The following MCPH1 variants were observed in gnomAD, a reference collection of about 807,000 sequenced individuals.
The protein encoded by MCPH1 is microcephalin.
Under a neutral mutation model 84.5 loss-of-function variants are expected in MCPH1, and 104 were observed. The observed-to-expected ratio is 1.23, with a 90% CI of 1.05 to 1.45. The LOEUF (loss-of-function observed/expected upper bound fraction) is 1.45. Among genes scored for constraint, MCPH1 ranks in the 40% most tolerant of loss-of-function variants. The pLI, the probability that MCPH1 is intolerant of heterozygous loss-of-function variation, is 0.00. For missense variants in MCPH1, 1,498 were observed against 1,005.7 expected (o/e 1.49, Z -6.62); for synonymous variants, 514 against 366.8 (o/e 1.40, Z -4.58).
rs139980840 is a variant in MCPH1 at position 6,643,237 on chromosome 8, A to G, written c.*188A>G. ...TTTCTGATGACTGAATGTCTGTTTC[A>G]GAGACGCTTCGGGCCTTTTTATTTT... On this transcript the variant is annotated 3_prime_UTR_variant, in exon 14 of 14. Coordinates refer to ENST00000344683, the MANE Select transcript of MCPH1 (RefSeq NM_024596.5). 5.9e-5 allele frequency: 38 copies of G among 648,648 alleles called. No homozygotes were observed. The highest frequency in any genetic ancestry group is 3.4e-4 in the Middle Eastern group (1 of 2,942). The allele number at this position is 648,648 out of a possible 1,614,324, so 40.2% of individuals were successfully genotyped here.
In MCPH1 at chr8:6,644,521, A is replaced by G. The variant is rs943870045; in HGVS notation, c.*1472A>G. The G allele has an allele frequency of 1.3e-5, 2 of 152,216 alleles. No homozygotes were observed. The highest frequency in any genetic ancestry group is 4.8e-5 in the African/African-American group (2 of 41,452). The allele number at this position is 152,216 out of a possible 1,614,324, so 9.4% of individuals were successfully genotyped here. On this transcript the variant is annotated 3_prime_UTR_variant, in exon 14 of 14. Transcript: ENST00000344683. ...TTTCAGGATAGTAAATCCATGTACA[A>G]AAATCAGCATTTCCAAACACAGTAA...
intron 12 of MCPH1, chr8:6,508,844 T>A (rs1418387928): frequency 6.4e-7 from 1 of 1,569,842 alleles, no homozygotes; most frequent in South Asian, 1.1e-5. Flanking sequence ...TCGTTACAAA[T>A]CACAATTTGT....
intron 12 of MCPH1, among the ~76,000 whole-genome samples, chr8:6,516,131 A>T (rs1007770250): frequency 1.8e-4 from 27 of 152,208 alleles, no homozygotes; most frequent in African/African-American, 6.5e-4. Context: ...TGAAAGTTAC[A>T]TTTATTAAGA....
intron 13 of MCPH1, among the ~76,000 whole-genome samples, chr8:6,624,574 T>C (rs748605814): frequency 3.9e-5 from 6 of 152,240 alleles, no homozygotes; most frequent in Admixed American, 6.5e-5. Flanking sequence ...TCCAATCTAG[T>C]AGCTGCAGCT....
chr8:6,553,445 G>C (rs1417774728), intron 12 of MCPH1, among the ~76,000 whole-genome samples: 1 of 152,126 alleles, frequency 6.6e-6, no homozygotes, highest in Non-Finnish European at 1.5e-5. Context: ...TAACTTCAGA[G>C]GCTTGCTGGT....
intron 8 of MCPH1, chr8:6,446,772 A>C: frequency 1.0e-6 from 1 of 985,144 alleles, no homozygotes; most frequent in South Asian, 4.7e-5. Flanking sequence ...AATGTAAATT[A>C]AGTAGGAAAA....
chr8:6,551,979 G>T (rs146759401), intron 12 of MCPH1, among the ~76,000 whole-genome samples: 4 of 152,130 alleles, frequency 2.6e-5, no homozygotes, highest in Admixed American at 6.5e-5. Flanking sequence ...ACTATCTTCA[G>T]ACTAATGTTT....
At chr8:6,449,927 TC>T (rs1229735553) in intron 8 of MCPH1, among the ~76,000 whole-genome samples, 3 of 152,174 alleles carry the variant, frequency 2.0e-5, no homozygotes, top group African/African-American at 7.2e-5. Flanking sequence ...CAGCTTGGCT[TC>T]TAGTTGCTTT....
In MCPH1 at chr8:6,509,053, A is replaced by G. The variant is rs57118748; in HGVS notation, c.2214+9124A>G. On this transcript the variant is annotated intron_variant, in intron 12 of 13. Transcript: ENST00000344683. ...TGCCGGCTGTCCCTGTAAGTCCTTT[A>G]AGGTGAATCCTGTAAGCGTGCAAAG... The G allele has an allele frequency of 2.6e-3, 4,123 of 1,613,992 alleles. 98 individuals are homozygous for G. The South Asian group carries it at 0.036, about 14-fold the overall frequency.
At chr8:6,502,899 G>C (rs1812470079) in intron 12 of MCPH1, 4 of 568,268 alleles carry the variant, frequency 7.0e-6, no homozygotes, top group African/African-American at 1.9e-5. Flanking sequence ...TGGATGTTTA[G>C]GGTCTTGCTT....
At chr8:6,579,711 T>C (rs1021297235) in intron 12 of MCPH1, among the ~76,000 whole-genome samples, 7 of 152,178 alleles carry the variant, frequency 4.6e-5, no homozygotes, top group African/African-American at 1.2e-4. Context: ...AAGATTGTTT[T>C]AGAAAAACCA....
intron 11 of MCPH1, among the ~76,000 whole-genome samples, chr8:6,497,926 G>C (rs1310743374): frequency 6.6e-6 from 1 of 152,140 alleles, no homozygotes; most frequent in Non-Finnish European, 1.5e-5. Flanking sequence ...AACTGAAGAA[G>C]TCTGCCTTAC....
chr8:6,488,622 G>T (rs1314791309), intron 11 of MCPH1, among the ~76,000 whole-genome samples: 1 of 152,150 alleles, frequency 6.6e-6, no homozygotes, highest in Non-Finnish European at 1.5e-5. Context: ...GGGTCCTAAG[G>T]CTGCACCTTT....
Position 6,435,137 on chromosome 8 carries a change from GA to G in MCPH1, c.322-910del, listed in dbSNP as rs542551701. Among the ~76,000 whole-genome samples the G allele has an allele frequency of 1.5e-3, 221 of 152,308 alleles. 1 individual carries two copies. Among genetic ancestry groups the G allele is most frequent in the Non-Finnish European group, 1.1e-3 (78 of 68,028 alleles). ...TTACAGTTTTTGGGTTTTACTGGCT[GA>G]TTGGAGTTACTGTGATTTAATGACG... On this transcript the variant is annotated intron_variant, in intron 4 of 13. Transcript: ENST00000344683.
intron 12 of MCPH1, among the ~76,000 whole-genome samples, chr8:6,540,652 G>A (rs991952439): frequency 3.9e-5 from 6 of 152,228 alleles, no homozygotes; most frequent in African/African-American, 1.4e-4. Context: ...AGCTTACAAT[G>A]ACAAAATGCT....
rs74452009 is a variant in MCPH1 at position 6,415,963 on chromosome 8, A to T, written c.233+1080A>T. On this transcript the variant is annotated intron_variant, in intron 3 of 13. Transcript: ENST00000344683. ...GGGATGTGTTTCTTTTTCAGGTCTC[A>T]AATTTCCTTCAGTGACACTTTCTAG... is the stretch of plus-strand genomic sequence containing the variant. 3.0e-3 allele frequency among the ~76,000 whole-genome samples: 462 copies of T among 152,284 alleles called. 6 individuals carry two copies. The highest frequency in any genetic ancestry group is 0.011 in the African/African-American group (448 of 41,546).
intron 3 of MCPH1, among the ~76,000 whole-genome samples, chr8:6,415,348 C>G (rs923941235): frequency 4.1e-5 from 6 of 147,666 alleles, no homozygotes; most frequent in Admixed American, 2.1e-4. Context: ...AGTGCAGTAG[C>G]TGGATCTTGG....
intron 3 of MCPH1, among the ~76,000 whole-genome samples, chr8:6,418,228 A>T (rs1408260656): frequency 6.6e-6 from 1 of 152,008 alleles, no homozygotes; most frequent in African/African-American, 2.4e-5. Flanking sequence ...CTTCTGCTTG[A>T]GTGCTTGCTG....
rs1202799286 is a variant in MCPH1 at position 6,647,666 on chromosome 8, T to A, written c.*4617T>A. ...GTGAAAGAGGTCAGACACAAAAGAC[T>A]ACAAATTGTAAGATTCCATTTAGAT... On this transcript the variant is annotated 3_prime_UTR_variant, in exon 14 of 14. Coordinates refer to ENST00000344683, the MANE Select transcript of MCPH1 (RefSeq NM_024596.5). 1 of 152,158 alleles carries A rather than the reference T, an allele frequency of 6.6e-6. No homozygotes were observed. Among genetic ancestry groups the A allele is most frequent in the Non-Finnish European group, 1.5e-5 (1 of 68,040 alleles). The allele number at this position is 152,158 out of a possible 1,614,324, so 9.4% of individuals were successfully genotyped here. A position where few individuals can be genotyped will look rare whatever the true frequency, so the allele number is the denominator to read the frequency against.
Sources: allele counts gnomAD v4.1 joint callset (sites outside exome capture counted in the v4.1 genomes callset), GRCh38; gene constraint gnomAD v4.1.1; transcripts MANE v1.5; gene names NCBI Gene and HGNC (gene_info 2026-07-23, HGNC 2026-07-21).